LRRC47: variants seen among roughly 807,000 people sequenced by gnomAD.
The protein encoded by LRRC47 is leucine rich repeat containing 47, also known as leucine-rich repeat-containing protein 47.
Under a neutral mutation model 40.9 loss-of-function variants are expected in LRRC47, and 31 were observed. That is an observed-to-expected ratio of 0.76 (90% CI 0.57 to 1.02). The LOEUF (loss-of-function observed/expected upper bound fraction) is 1.02. Among genes scored for constraint, LRRC47 ranks in the 50% least tolerant of loss-of-function variants. The pLI is 0.00. For synonymous variants in LRRC47, 427 were observed against 371.9 expected (o/e 1.15, Z -1.70); for missense variants, 726 against 796.1 (o/e 0.91, Z 1.06).
chr1:3,787,281 G>A lies in LRRC47; in HGVS notation c.645C>T (p.Ser215=), dbSNP rs373715441. 3.7e-5 allele frequency: 60 copies of A among 1,612,464 alleles called. No individual in the cohort carries two copies. The highest frequency in any genetic ancestry group is 9.9e-5 in the South Asian group (9 of 91,076). Residue 215 remains serine, a synonymous_variant, in exon 2 of 7, where the codon AGC becomes AGT. Transcript: ENST00000378251. The part of the protein sequence containing the change: ...KTLDLSNNQL[S]EIPAELADCP... Reference sequence around the variant, plus strand: ...AGTCCGCAAGCTCTGCAGGGATCTCGCTCAGCTGGTTGTTCGAGAGGTCCA... The same window carrying A: ...AGTCCGCAAGCTCTGCAGGGATCTCACTCAGCTGGTTGTTCGAGAGGTCCA...
At chr1:3,788,205 C>T (rs938422763) in intron 1 of LRRC47, among the ~76,000 whole-genome samples, 1 of 152,244 alleles carries the variant, frequency 6.6e-6, no homozygotes, top group Non-Finnish European at 1.5e-5. Context: ...TCCGCCTCCA[C>T]TCTGCTCTTT....
intron 1 of LRRC47, among the ~76,000 whole-genome samples, chr1:3,789,359 C>T (rs1643606426): frequency 6.6e-6 from 1 of 152,260 alleles, no homozygotes; most frequent in Non-Finnish European, 1.5e-5. Context: ...CTGCGCTGCC[C>T]TAAGGGGCTT....
chr1:3,796,457 G>A lies in LRRC47; in HGVS notation c.20C>T (p.Ser7Leu), dbSNP rs1003873088. The change falls in exon 1 of 7, where the codon TCA (serine) becomes TTA (leucine). Residue 7 changes from serine (S) to leucine (L), a missense_variant. By Grantham distance (145) the Ser-to-Leu change is moderately radical. Transcript: ENST00000378251. MAAAAV[S>L]ESWPELELAE... ...CAGCTCCAGCTCCGGCCAAGACTCT[G>A]ACACCGCTGCCGCCGCCATGGCGCC... The A allele has an allele frequency of 4.6e-6, 7 of 1,515,620 alleles. No homozygotes were observed. The East Asian group carries it at 8.0e-5, about 17-fold the overall frequency. The allele number at this position is 1,515,620 out of a possible 1,614,324, so 93.9% of individuals were successfully genotyped here. A position where few individuals can be genotyped will look rare whatever the true frequency, so the allele number is the denominator to read the frequency against.
At chr1:3,786,265 A>C (rs1643571420) in intron 2 of LRRC47, among the ~76,000 whole-genome samples, 2 of 152,192 alleles carry the variant, frequency 1.3e-5, no homozygotes, top group South Asian at 2.1e-4. Context: ...TGGGAGGCCA[A>C]GGCGGGTGGA....
chr1:3,783,827 GT>G (rs879617531), intron 4 of LRRC47, 168 bp downstream of exon 4: 1 of 610,318 alleles, frequency 1.6e-6, no homozygotes, highest in Non-Finnish European at 2.9e-6. Context: ...TGACAGACTG[GT>G]TCCACAACGT....
intron 1 of LRRC47, among the ~76,000 whole-genome samples, chr1:3,788,611 A>T (rs1190611090): frequency 6.6e-6 from 1 of 152,106 alleles, no homozygotes; most frequent in African/African-American, 2.4e-5. Flanking sequence ...GAAGGAAATG[A>T]AAAAAGGAAC....
At chr1:3,781,383 A>G in intron 6 of LRRC47, 47 bp from the exon 7 acceptor site, 2 of 1,596,124 alleles carry the variant, frequency 1.3e-6, no homozygotes, top group Non-Finnish European at 1.7e-6. Flanking sequence ...GAGGTGACCC[A>G]GGGAAGACAT....
At chr1:3,787,393 C>T in intron 1 of LRRC47, 83 bp from the exon 2 acceptor site, 1 of 1,347,060 alleles carries the variant, frequency 7.4e-7, no homozygotes, top group East Asian at 2.4e-5. Context: ...AGGGAGACCA[C>T]TCATCACTCA....
chr1:3,796,213 C>G lies in LRRC47; in HGVS notation c.264G>C (p.Gly88=), dbSNP rs1643674946. ...GCCCGAGCTCGGGGCTCAGGCCGGG[C>G]CCCAGCGCGTTGCGCCGCAGCACGA... is the stretch of plus-strand genomic sequence containing the variant. ...HSLVLRRNAL[G]PGLSPELGPL... Residue 88 remains glycine (G), a synonymous_variant, in exon 1 of 7, where the codon GGG becomes GGC. Transcript: ENST00000378251. 3 of 1,430,230 alleles carry G rather than the reference C, an allele frequency of 2.1e-6. No individual in the cohort carries two copies. Among genetic ancestry groups the G allele is most frequent in the South Asian group, 2.8e-5 (2 of 71,730 alleles). The allele number at this position is 1,430,230 out of a possible 1,614,324, so 88.6% of individuals were successfully genotyped here.
intron 5 of LRRC47, among the ~76,000 whole-genome samples, chr1:3,782,092 G>C (rs1350954048): frequency 1.3e-5 from 2 of 152,222 alleles, no homozygotes; most frequent in African/African-American, 4.8e-5. Flanking sequence ...AGCATGAACA[G>C]TGAGCTGTAG....
rs529814347 is a variant in LRRC47 at position 3,791,533 on chromosome 1, C to T, written c.616-4223G>A. Among the ~76,000 whole-genome samples, 14 of 152,238 alleles carry T rather than the reference C, an allele frequency of 9.2e-5. No homozygotes were observed. In the East Asian group the frequency reaches 1.2e-3, roughly 13 times the overall value. ...GTGCAACAGCACCATCTTGGCTCAC[C>T]GAAACCTCCGCCTCCCAGGTTCAAG... On this transcript the variant is annotated intron_variant, in intron 1 of 6. Transcript: ENST00000378251.
At chr1:3,784,146 C>T in intron 3 of LRRC47, 35 bp from the exon 4 acceptor site, 1 of 1,552,712 alleles carries the variant, frequency 6.4e-7, no homozygotes, top group Non-Finnish European at 8.8e-7. Flanking sequence ...CCACTAGGGT[C>T]ACAGCCACAG....
Position 3,780,865 on chromosome 1 carries a change from A to G in LRRC47, c.*223T>C. The G allele has an allele frequency of 1.7e-6, 1 of 599,770 alleles. No homozygotes were observed. The allele number at this position is 599,770 out of a possible 1,614,324, so 37.2% of individuals were successfully genotyped here. On this transcript the variant is annotated 3_prime_UTR_variant, in exon 7 of 7. Transcript: ENST00000378251. ...GTGGCACACACCTGTAGTCCCAGCT[A>G]CTTGGGAGGCTGAGGCAGGAGAATC...
chr1:3,788,343 C>T (rs898701785), intron 1 of LRRC47, among the ~76,000 whole-genome samples: 23 of 152,202 alleles, frequency 1.5e-4, no homozygotes, highest in African/African-American at 5.1e-4. Flanking sequence ...GCCTGACCCT[C>T]GGGGATCTCT....
intron 4 of LRRC47, chr1:3,783,024 A>G (rs1643536062): frequency 1.2e-5 from 6 of 507,428 alleles, no homozygotes; most frequent in South Asian, 7.2e-5. Flanking sequence ...GAGCAGGACA[A>G]AAAGCTCCGG....
chr1:3,793,988 G>A (rs976854559), intron 1 of LRRC47, among the ~76,000 whole-genome samples: 23 of 152,188 alleles, frequency 1.5e-4, no homozygotes, highest in Admixed American at 1.1e-3. Flanking sequence ...GAGGTCAGGA[G>A]ATCGAGACCA....
chr1:3,792,975 G>A (rs1228633046), intron 1 of LRRC47, among the ~76,000 whole-genome samples: 3 of 152,164 alleles, frequency 2.0e-5, no homozygotes, highest in Admixed American at 6.5e-5. Flanking sequence ...ACAGCCCTGA[G>A]GACCAAGGAA....
At position 3,795,736 on chromosome 1, in the gene LRRC47, T is replaced by C. The variant is rs1643667186; in HGVS notation, c.615+126A>G. 5.5e-6 allele frequency: 7 copies of C among 1,266,928 alleles called. No homozygotes were observed. In the South Asian group the frequency reaches 8.4e-5, roughly 15 times the overall value. The allele number at this position is 1,266,928 out of a possible 1,614,324, so 78.5% of individuals were successfully genotyped here. On this transcript the variant is annotated intron_variant, in intron 1 of 6. Transcript: ENST00000378251. ...CCCCGCAGCTGGCTCCTTTCAGCCT[T>C]GTAGGAATTCCCTGGGCCCAGTGCC...
intron 2 of LRRC47, among the ~76,000 whole-genome samples, chr1:3,785,933 A>C (rs1643568032): frequency 6.7e-6 from 1 of 149,924 alleles, no homozygotes; most frequent in African/African-American, 2.5e-5. Flanking sequence ...GCGGTGGTGC[A>C]ATCTTGGCTC....
Sources: gnomAD v4.1 joint callset for allele counts (sites outside exome capture counted in the v4.1 genomes callset) on GRCh38, gnomAD v4.1.1 for gene constraint, MANE v1.5 for transcripts, NCBI Gene and HGNC (gene_info 2026-07-23, HGNC 2026-07-21) for gene names.